AGXT2: variants seen among roughly 807,000 people sequenced by gnomAD.
The protein encoded by AGXT2 is alanine--glyoxylate aminotransferase 2, mitochondrial.
Under a neutral mutation model 62.5 loss-of-function variants are expected in AGXT2, and 61 were observed. That is an observed-to-expected ratio of 0.98 (90% CI 0.79 to 1.21). AGXT2 has a LOEUF of 1.21. AGXT2 is among the 50% of genes most tolerant of loss of function. The pLI, the probability that AGXT2 is intolerant of heterozygous loss-of-function variation, is 0.00. For missense variants in AGXT2, 666 were observed against 641.5 expected, an observed-to-expected ratio of 1.04 and a Z score of -0.41; for synonymous variants, 243 against 218.7, an observed-to-expected ratio of 1.11 and a Z score of -0.98.
chr5:35,010,553 G>A (rs533983450), intron 11 of AGXT2, among the ~76,000 whole-genome samples: 28 of 151,978 alleles, frequency 1.8e-4, no homozygotes, highest in South Asian at 4.2e-4. Context: ...GGCTCTGTGG[G>A]GGGCGCCTGT....
rs376239240 is a variant in AGXT2 at position 35,039,503 on chromosome 5, A to G, written c.183T>C (p.Leu61=). ...GGATTTCCAGGACACGGTTGTAGCC[A>G]AGGGACTGTAGATAAACAAGATTTA... ...CDFMPERYQS[L]GYNRVLEIHK... Residue 61 remains leucine (L), a synonymous_variant, in exon 3 of 14, where the codon CTT becomes CTC. Coordinates refer to ENST00000231420, the MANE Select transcript of AGXT2 (RefSeq NM_031900.4). 7 of 1,613,686 alleles carry G rather than the reference A, an allele frequency of 4.3e-6. No individual in the cohort carries two copies. In the African/African-American group the frequency reaches 9.3e-5, roughly 22 times the overall value.
At chr5:35,026,041 A>G (rs1452207471) in intron 8 of AGXT2, 186 bp from the exon 9 acceptor site, 2 of 630,506 alleles carry the variant, frequency 3.2e-6, no homozygotes, top group East Asian at 2.8e-5. Flanking sequence ...TGACTTCTGG[A>G]AAAAAGATGC....
rs957156141 is a variant in AGXT2, at chr5:35,003,615, A to G, written c.1437+148T>C. On this transcript the variant is annotated intron_variant, in intron 13 of 13. Transcript: ENST00000231420. ...TGTACCCGAGCTTCATCCCTAGATG[A>G]CATGTGGCTGGGTACCTCGGCACAG... is the stretch of plus-strand genomic sequence containing the variant. 1.9e-5 allele frequency: 14 copies of G among 751,724 alleles called. No homozygotes were observed. The African/African-American group carries it at 2.3e-4, about 12-fold the overall frequency. The allele number at this position is 751,724 out of a possible 1,614,324, so 46.6% of individuals were successfully genotyped here.
chr5:35,043,890 C>G (rs919058338), intron 1 of AGXT2, among the ~76,000 whole-genome samples: 1 of 152,062 alleles, frequency 6.6e-6, no homozygotes, highest in Non-Finnish European at 1.5e-5. Flanking sequence ...TCGGGTTTCT[C>G]CAGATTGCCC....
chr5:35,003,569 T>G (rs535087087), intron 13 of AGXT2, among the ~76,000 whole-genome samples, 194 bp downstream of exon 13: 3 of 144,956 alleles, frequency 2.1e-5, no homozygotes, highest in African/African-American at 7.5e-5. Context: ...AGAGCTGCAC[T>G]GTCTCCGCCT....
chr5:35,026,090 T>A, intron 8 of AGXT2: 1 of 595,576 alleles, frequency 1.7e-6, no homozygotes, highest in Non-Finnish European at 3.0e-6. Context: ...AACAGTAGAA[T>A]AAAAGAAATT....
At chr5:35,044,396 G>A (rs1298096119) in intron 1 of AGXT2, among the ~76,000 whole-genome samples, 1 of 152,176 alleles carries the variant, frequency 6.6e-6, no homozygotes, top group Non-Finnish European at 1.5e-5. Flanking sequence ...CCTCACCATT[G>A]CTGTTCGGTA....
chr5:35,039,065 A>G (rs962986651), intron 3 of AGXT2, among the ~76,000 whole-genome samples: 4 of 152,180 alleles, frequency 2.6e-5, no homozygotes, highest in African/African-American at 9.6e-5. Context: ...AATGAGAAAC[A>G]CACACAGCAA....
intron 12 of AGXT2, among the ~76,000 whole-genome samples, chr5:35,004,755 G>T (rs1487981047): frequency 6.6e-6 from 1 of 152,138 alleles, no homozygotes; most frequent in African/African-American, 2.4e-5. Flanking sequence ...GGTAGACGGG[G>T]CCCCTCTAGT....
chr5:35,014,958 C>T (rs934636937), intron 9 of AGXT2, among the ~76,000 whole-genome samples: 3 of 152,150 alleles, frequency 2.0e-5, no homozygotes, highest in Non-Finnish European at 2.9e-5. Flanking sequence ...GAGGAGGACC[C>T]AGACGAGGCA....
chr5:35,034,141 C>A (rs1211398952), intron 5 of AGXT2, among the ~76,000 whole-genome samples: 1 of 152,030 alleles, frequency 6.6e-6, no homozygotes, highest in African/African-American at 2.4e-5. Context: ...ACCGTTAAGA[C>A]TATTCAAAAG....
chr5:35,033,410 C>T, intron 6 of AGXT2, 50 bp downstream of exon 6: 1 of 1,390,092 alleles, frequency 7.2e-7, no homozygotes, highest in Non-Finnish European at 1.0e-6. Flanking sequence ...TCAACTACTT[C>T]ACATACCCAG....
intron 9 of AGXT2, among the ~76,000 whole-genome samples, chr5:35,018,265 C>T (rs958270560): frequency 1.3e-5 from 2 of 151,946 alleles, no homozygotes; most frequent in African/African-American, 2.4e-5. Flanking sequence ...CCAAGACACA[C>T]AATTGTCAGA....
At chr5:35,038,233 A>C (rs1281614214) in intron 3 of AGXT2, among the ~76,000 whole-genome samples, 1 of 152,250 alleles carries the variant, frequency 6.6e-6, no homozygotes, top group African/African-American at 2.4e-5. Flanking sequence ...GTGGAGTATC[A>C]GTAAATCCTT....
intron 9 of AGXT2, among the ~76,000 whole-genome samples, chr5:35,018,410 G>A (rs536446372): frequency 2.2e-4 from 34 of 152,238 alleles, no homozygotes; most frequent in African/African-American, 8.2e-4. Context: ...GAGAGTGGGG[G>A]CCAATATTCA....
intron 7 of AGXT2, among the ~76,000 whole-genome samples, chr5:35,031,823 A>T (rs1399589787): frequency 1.3e-5 from 2 of 150,788 alleles, no homozygotes; most frequent in African/African-American, 4.9e-5. Context: ...TGAGATTGCC[A>T]AAAGCATTAT....
intron 9 of AGXT2, among the ~76,000 whole-genome samples, chr5:35,023,534 T>C (rs1225050187): frequency 6.6e-6 from 1 of 152,246 alleles, no homozygotes; most frequent in East Asian, 1.9e-4. Flanking sequence ...TCAGCCTACC[T>C]TCTCTTTAAT....
intron 1 of AGXT2, among the ~76,000 whole-genome samples, chr5:35,043,298 C>T (rs1008678989): frequency 6.6e-6 from 1 of 152,044 alleles, no homozygotes; most frequent in African/African-American, 2.4e-5. Context: ...GGCTTCCTCA[C>T]CCTTTAAAAT....
chr5:35,009,950 T>C, intron 12 of AGXT2, 50 bp downstream of exon 12: 1 of 1,612,490 alleles, frequency 6.2e-7, no homozygotes, highest in Non-Finnish European at 8.5e-7. Flanking sequence ...TCCTCCTATA[T>C]CTCCTGCTGG....
Sources: allele counts gnomAD v4.1 joint callset (sites outside exome capture counted in the v4.1 genomes callset), GRCh38; gene constraint gnomAD v4.1.1; transcripts MANE v1.5; gene names NCBI Gene and HGNC (gene_info 2026-07-23, HGNC 2026-07-21).